The following ARHGEF3 variants were observed in gnomAD, a reference collection of about 807,000 sequenced individuals.
ARHGEF3 encodes the protein 59.8 kDA protein.
ARHGEF3 carries 28 observed loss-of-function variants against 63.2 expected under a neutral mutation model. The ratio of observed to expected loss-of-function variants is 0.44; its 90% CI spans 0.33 to 0.61. The LOEUF (loss-of-function observed/expected upper bound fraction) is 0.61. ARHGEF3 is among the 20% of genes least tolerant of loss of function. ARHGEF3 has a pLI of 0.03. For missense variants in ARHGEF3, 533 were observed against 659.3 expected (o/e 0.81, Z 2.10); for synonymous variants, 266 against 254.2 (o/e 1.05, Z -0.44).
At chr3:56,960,045 C>T (rs1326525497) in intron 2 of ARHGEF3, among the ~76,000 whole-genome samples, 1 of 152,206 alleles carries the variant, frequency 6.6e-6, no homozygotes, top group African/African-American at 2.4e-5. Context: ...CTGCTGTAAT[C>T]AGCAATAATG....
intron 3 of ARHGEF3, among the ~76,000 whole-genome samples, chr3:56,957,703 T>C (rs1023315558): frequency 6.6e-6 from 1 of 152,092 alleles, no homozygotes; most frequent in African/African-American, 2.4e-5. Flanking sequence ...GAGGAGGTGA[T>C]GTCAAGGCTG....
chr3:57,052,337 C>T (rs1159488226), intron 1 of ARHGEF3, among the ~76,000 whole-genome samples: 1 of 151,992 alleles, frequency 6.6e-6, no homozygotes, highest in Non-Finnish European at 1.5e-5. Flanking sequence ...CCTTCTGTCA[C>T]CCAGGCTGGA....
chr3:56,823,788 G>A (rs2038607310), intron 4 of ARHGEF3, among the ~76,000 whole-genome samples: 1 of 151,926 alleles, frequency 6.6e-6, no homozygotes, highest in African/African-American at 2.4e-5. Context: ...AACTGCCCAG[G>A]GGATAATTAT....
chr3:56,794,706 A>T (rs952860877), intron 1 of ARHGEF3, among the ~76,000 whole-genome samples: 2 of 152,164 alleles, frequency 1.3e-5, no homozygotes, highest in Non-Finnish European at 2.9e-5. Flanking sequence ...GTTTGCCTAT[A>T]TCCTACACAC....
At chr3:57,016,245 G>A (rs967637116) in intron 2 of ARHGEF3, among the ~76,000 whole-genome samples, 1 of 151,966 alleles carries the variant, frequency 6.6e-6, no homozygotes, top group Non-Finnish European at 1.5e-5. Context: ...CTTTCTAAAA[G>A]GTAATGCTGC....
At chr3:56,930,602 T>C (rs1368772528) in intron 3 of ARHGEF3, among the ~76,000 whole-genome samples, 4 of 152,234 alleles carry the variant, frequency 2.6e-5, no homozygotes, top group African/African-American at 9.6e-5. Flanking sequence ...TTTCCTAATC[T>C]TGTTCACTGC....
chr3:57,016,265 T>G (rs1339712123), intron 2 of ARHGEF3, among the ~76,000 whole-genome samples: 1 of 151,152 alleles, frequency 6.6e-6, no homozygotes, highest in Non-Finnish European at 1.5e-5. Context: ...CTTGCAAGAA[T>G]GACAAAAACG....
At chr3:56,927,631 TG>T (rs2042308057) in intron 3 of ARHGEF3, among the ~76,000 whole-genome samples, 1 of 152,124 alleles carries the variant, frequency 6.6e-6, no homozygotes, top group South Asian at 2.1e-4. Flanking sequence ...AAAGTGTGTT[TG>T]TGCAGTATTT....
At chr3:56,795,801 C>T (rs185311640) in intron 1 of ARHGEF3, among the ~76,000 whole-genome samples, 1 of 151,904 alleles carries the variant, frequency 6.6e-6, no homozygotes, top group African/African-American at 2.4e-5. Flanking sequence ...GCCACCACGC[C>T]TGGCTAATTT....
intron 3 of ARHGEF3, among the ~76,000 whole-genome samples, chr3:56,903,350 G>C (rs1463710615): frequency 6.6e-6 from 1 of 152,230 alleles, no homozygotes; most frequent in Non-Finnish European, 1.5e-5. Context: ...ACAGCTTCCA[G>C]GCATGCTGAA....
intron 2 of ARHGEF3, among the ~76,000 whole-genome samples, chr3:56,967,806 A>C (rs1362204653): frequency 1.5e-4 from 10 of 68,888 alleles, no homozygotes. Flanking sequence ...CATATTATAT[A>C]ATATATATTA....
At chr3:57,048,469 T>C (rs1417868421) in intron 1 of ARHGEF3, among the ~76,000 whole-genome samples, 6 of 152,190 alleles carry the variant, frequency 3.9e-5, no homozygotes, top group African/African-American at 1.4e-4. Flanking sequence ...TCTGGAAATG[T>C]GCAGGGAGAT....
In ARHGEF3 at chr3:56,801,779, G is replaced by C. The variant is rs779002458; in HGVS notation, c.20C>G (p.Pro7Arg). 5.1e-6 allele frequency: 8 copies of C among 1,567,068 alleles called. No homozygotes were observed. Among genetic ancestry groups the C allele is most frequent in the Non-Finnish European group, 6.9e-6 (8 of 1,154,664 alleles). Residue 7 changes from proline (P) to arginine (R), a missense_variant, in exon 1 of 10, where the codon CCC becomes CGC. Transcript: ENST00000296315. MVAKDY[P>R]FYLTVKRANC... is the part of the protein sequence containing the mutation. The stretch of plus-strand genomic sequence containing the variant: ...CGCTCTCTTGACCGTGAGGTAGAAG[G>C]GGTAATCCTTGGCCACCATGGCGGC...
chr3:56,996,678 T>G (rs1347810498), intron 2 of ARHGEF3, among the ~76,000 whole-genome samples: 1 of 152,132 alleles, frequency 6.6e-6, no homozygotes. Flanking sequence ...ACTCTCTTTA[T>G]GATGTATTGC....
chr3:56,848,280 T>C (rs1227383019), intron 4 of ARHGEF3, among the ~76,000 whole-genome samples: 1 of 152,148 alleles, frequency 6.6e-6, no homozygotes, highest in African/African-American at 2.4e-5. Context: ...ACTATACTCA[T>C]CTCTCGAATT....
intron 3 of ARHGEF3, among the ~76,000 whole-genome samples, chr3:56,929,199 C>T (rs529841251): frequency 6.6e-6 from 1 of 152,286 alleles, no homozygotes; most frequent in Middle Eastern, 3.4e-3. Context: ...TTAACCCTGA[C>T]TGTGGCCTCT....
At chr3:57,059,027 G>T (rs1203184589) in intron 1 of ARHGEF3, among the ~76,000 whole-genome samples, 1 of 150,426 alleles carries the variant, frequency 6.6e-6, no homozygotes, top group Non-Finnish European at 1.5e-5. Flanking sequence ...AGCATTAGGA[G>T]ATATACCTAA....
At chr3:56,815,652 G>A (rs1301307195) in intron 4 of ARHGEF3, among the ~76,000 whole-genome samples, 5 of 152,214 alleles carry the variant, frequency 3.3e-5, no homozygotes, top group Admixed American at 1.3e-4. Context: ...GACTACAAAT[G>A]GGATAGAACT....
chr3:57,046,365 C>G (rs1704454604), intron 1 of ARHGEF3, among the ~76,000 whole-genome samples: 1 of 152,202 alleles, frequency 6.6e-6, no homozygotes, highest in Non-Finnish European at 1.5e-5. Context: ...CTTCCAATAT[C>G]TCATAGGTTC....
Sources: allele counts gnomAD v4.1 joint callset (sites outside exome capture counted in the v4.1 genomes callset), GRCh38; gene constraint gnomAD v4.1.1; transcripts MANE v1.5; gene names NCBI Gene and HGNC (gene_info 2026-07-23, HGNC 2026-07-21).